TNRC6C: variants seen among roughly 807,000 people sequenced by gnomAD.
The protein encoded by TNRC6C is trinucleotide repeat containing adaptor 6C, also known as trinucleotide repeat-containing gene 6C protein.
A neutral mutation model predicts 153.7 loss-of-function variants in TNRC6C; 20 were observed. The observed-to-expected ratio is 0.13, with a 90% confidence interval of 0.09 to 0.19. The LOEUF (loss-of-function observed/expected upper bound fraction) is 0.19, where lower values mean the gene tolerates loss of function less well. Among genes scored for constraint, TNRC6C ranks in the 10% least tolerant of loss-of-function variants. The probability of loss-of-function intolerance (pLI) is 1.00; values close to 1 mark genes in which losing one functional copy is unlikely to be tolerated. For missense variants in TNRC6C, 1,987 were observed against 2,172.0 expected (o/e 0.91, Z 1.69); for synonymous variants, 811 against 841.4 (o/e 0.96, Z 0.63).
chr17:78,092,096 G>A (rs1227108024), intron 14 of TNRC6C, among the ~76,000 whole-genome samples: 1 of 152,156 alleles, frequency 6.6e-6, no homozygotes, highest in Admixed American at 6.5e-5. Context: ...GGACACACGA[G>A]TAAGGTGGAA....
intron 1 of TNRC6C, among the ~76,000 whole-genome samples, chr17:77,968,747 T>G (rs2144051659): frequency 6.6e-6 from 1 of 152,382 alleles, no homozygotes; most frequent in Admixed American, 6.5e-5. Flanking sequence ...TTTGTTCTCT[T>G]TAACTTGTGA....
chr17:77,966,169 G>C (rs2070895362), intron 1 of TNRC6C, among the ~76,000 whole-genome samples: 1 of 152,172 alleles, frequency 6.6e-6, no homozygotes, highest in African/African-American at 2.4e-5. Context: ...ACGGGATATA[G>C]TTATTGACTG....
chr17:77,961,453 GC>G (rs1413797683), intron 1 of TNRC6C, among the ~76,000 whole-genome samples: 10 of 152,144 alleles, frequency 6.6e-5, no homozygotes, highest in South Asian at 2.1e-4. Flanking sequence ...ACCACGCTCG[GC>G]CGGTTTTACT....
intron 1 of TNRC6C, among the ~76,000 whole-genome samples, chr17:78,021,601 A>C (rs2071833520): frequency 6.6e-6 from 1 of 152,090 alleles, no homozygotes; most frequent in African/African-American, 2.4e-5. Context: ...ATAGAGTCTC[A>C]CTCTGTCACC....
chr17:77,992,333 A>G (rs1167032287), intron 1 of TNRC6C, among the ~76,000 whole-genome samples: 1 of 94,920 alleles, frequency 1.1e-5, no homozygotes, highest in African/African-American at 6.0e-5. Flanking sequence ...CCCCGTCTCT[A>G]CTAAAAATAC....
At chr17:78,009,423 G>A (rs1425761267) in intron 1 of TNRC6C, among the ~76,000 whole-genome samples, 2 of 151,946 alleles carry the variant, frequency 1.3e-5, no homozygotes, top group African/African-American at 4.8e-5. Context: ...TTAATTCAGT[G>A]CTTTTAGCCA....
intron 15 of TNRC6C, 199 bp from the exon 18 acceptor site, chr17:78,093,421 A>G: frequency 1.4e-6 from 1 of 731,802 alleles, no homozygotes; most frequent in East Asian, 2.7e-5. Flanking sequence ...AAACTAGCTT[A>G]ATATGATAGC....
intron 10 of TNRC6C, among the ~76,000 whole-genome samples, chr17:78,081,159 T>C (rs1224859974): frequency 1.3e-5 from 2 of 152,100 alleles, no homozygotes; most frequent in Non-Finnish European, 2.9e-5. Flanking sequence ...ACAGGCTTCC[T>C]CAGGCCTCTG....
At chr17:78,073,287 G>C (rs2073029471) in intron 7 of TNRC6C, among the ~76,000 whole-genome samples, 193 bp downstream of exon 9, 1 of 152,210 alleles carries the variant, frequency 6.6e-6, no homozygotes, top group South Asian at 2.1e-4. Context: ...CTTTGGAGGT[G>C]AATCGCCAAT....
intron 1 of TNRC6C, among the ~76,000 whole-genome samples, chr17:77,961,044 A>AAC (rs751339423): frequency 9.2e-5 from 14 of 152,078 alleles, no homozygotes; most frequent in African/African-American, 1.7e-4. Context: ...GGTAATAGTA[A>AAC]ACACACACAC....
chr17:77,961,274 C>G (rs529227874), intron 1 of TNRC6C, among the ~76,000 whole-genome samples: 1 of 152,022 alleles, frequency 6.6e-6, no homozygotes, highest in South Asian at 2.1e-4. Context: ...TCTTGCCTCA[C>G]CCTCCCGAGT....
At chr17:78,103,353 A>G (rs142225577) in intron 18 of TNRC6C, 61 bp from the exon 22 acceptor site, 1 of 1,583,900 alleles carries the variant, frequency 6.3e-7, no homozygotes, top group Non-Finnish European at 8.6e-7. Context: ...TTTTCTTTGG[A>G]AGGCTGTAGT....
intron 1 of TNRC6C, among the ~76,000 whole-genome samples, chr17:77,984,872 T>G (rs2071138939): frequency 6.6e-6 from 1 of 151,162 alleles, no homozygotes; most frequent in African/African-American, 2.4e-5. Context: ...GCTATTATAG[T>G]AAGTATCTAC....
At chr17:77,998,186 G>A (rs373995822) in intron 1 of TNRC6C, among the ~76,000 whole-genome samples, 25 of 152,242 alleles carry the variant, frequency 1.6e-4, no homozygotes, top group African/African-American at 5.8e-4. Context: ...CCCACCGACA[G>A]TTGCTGGTCT....
intron 4 of TNRC6C, chr17:78,067,106 G>GTAGT (rs1223535630): frequency 2.0e-5 from 3 of 152,170 alleles, no homozygotes; most frequent in Non-Finnish European, 2.9e-5. Context: ...ACTTTGGGAT[G>GTAGT]CCGAGGCAGG....
chr17:78,007,459 C>CT (rs1312974794), intron 1 of TNRC6C, among the ~76,000 whole-genome samples: 1 of 152,214 alleles, frequency 6.6e-6, no homozygotes, highest in African/African-American at 2.4e-5. Context: ...AACTTTCTGA[C>CT]TGGACACTTT....
rs994097281 is a variant in TNRC6C, at chr17:78,075,623, C to CGT, written c.3060+348_3060+349dup. Among the ~76,000 whole-genome samples the CGT allele has an allele frequency of 1.2e-4, 18 of 152,122 alleles. No homozygotes were observed. Among genetic ancestry groups the CGT allele is most frequent in the African/African-American group, 4.3e-4 (18 of 41,418 alleles). ...ACACAGATCTTCCCTTTGGAAATTA[C>CGT]GTGTTAGATGTTTATCCTCAGGAAA... On this transcript the variant is annotated intron_variant, in intron 8 of 19. Coordinates refer to ENST00000301624, the Ensembl canonical transcript of TNRC6C. The surrounding 1 kb of genome is among the most constrained non-coding windows in gnomAD (Gnocchi z 4.2).
intron 1 of TNRC6C, among the ~76,000 whole-genome samples, chr17:77,993,095 A>T (rs2071276790): frequency 6.6e-6 from 1 of 151,996 alleles, no homozygotes. Flanking sequence ...CTTCCTGAGT[A>T]GCTGGGATTA....
chr17:77,985,143 T>C (rs550543465), intron 1 of TNRC6C, among the ~76,000 whole-genome samples: 1 of 152,168 alleles, frequency 6.6e-6, no homozygotes, highest in Non-Finnish European at 1.5e-5. Context: ...TACCACAAAC[T>C]TAAGAGGTTT....
Sources: gnomAD v4.1 joint callset for allele counts (sites outside exome capture counted in the v4.1 genomes callset) on GRCh38, gnomAD v4.1.1 for gene constraint, Gnocchi (gnomAD v3.1) non-coding constraint, MANE v1.5 for transcripts, NCBI Gene and HGNC (gene_info 2026-07-23, HGNC 2026-07-21) for gene names.